SGCZ: variants seen among roughly 807,000 people sequenced by gnomAD.
SGCZ encodes the protein zeta-sarcoglycan.
SGCZ carries 40 observed loss-of-function variants against 41.3 expected under a neutral mutation model. The observed-to-expected ratio is 0.97, with a 90% CI of 0.75 to 1.26. The LOEUF (loss-of-function observed/expected upper bound fraction) is 1.26. SGCZ is among the 50% of genes most tolerant of loss of function. The probability of loss-of-function intolerance (pLI) is 0.00; values close to 1 mark genes in which losing one functional copy is unlikely to be tolerated. For missense variants in SGCZ, 552 were observed against 369.8 expected (o/e 1.49, Z -4.04); for synonymous variants, 206 against 137.5 (o/e 1.50, Z -3.49).
chr8:14,169,810 A>T (rs1804321117), intron 4 of SGCZ, among the ~76,000 whole-genome samples: 1 of 152,208 alleles, frequency 6.6e-6, no homozygotes, highest in Non-Finnish European at 1.5e-5. Flanking sequence ...GCATGATATA[A>T]ACTTGGAGCT....
intron 1 of SGCZ, among the ~76,000 whole-genome samples, chr8:15,020,281 T>TA (rs1411010318): frequency 6.6e-6 from 1 of 152,116 alleles, no homozygotes; most frequent in Non-Finnish European, 1.5e-5. Context: ...AAAATTCAAT[T>TA]AAAAATCCCA....
At chr8:14,318,243 G>A (rs1001012704) in intron 3 of SGCZ, among the ~76,000 whole-genome samples, 2 of 151,702 alleles carry the variant, frequency 1.3e-5, no homozygotes, top group Non-Finnish European at 2.9e-5. Context: ...GAGGAAGAGG[G>A]AGAAGGGCAA....
At chr8:14,283,452 T>G (rs890757288) in intron 3 of SGCZ, among the ~76,000 whole-genome samples, 8 of 151,974 alleles carry the variant, frequency 5.3e-5, no homozygotes, top group African/African-American at 1.9e-4. Context: ...TAGAAAAATG[T>G]CATTATCCGT....
intron 4 of SGCZ, among the ~76,000 whole-genome samples, chr8:14,227,602 A>G (rs1388993682): frequency 1.3e-5 from 2 of 152,118 alleles, no homozygotes; most frequent in Non-Finnish European, 2.9e-5. Context: ...AACTGATTAA[A>G]TATTTTAACC....
chr8:14,312,333 A>AT (rs1391368269), intron 3 of SGCZ, among the ~76,000 whole-genome samples: 2 of 151,332 alleles, frequency 1.3e-5, no homozygotes, highest in African/African-American at 4.8e-5. Flanking sequence ...AAAAAAAGTA[A>AT]TTTTTTAGTA....
At chr8:15,226,317 A>G (rs1801771931) in intron 1 of SGCZ, among the ~76,000 whole-genome samples, 1 of 152,224 alleles carries the variant, frequency 6.6e-6, no homozygotes, top group East Asian at 1.9e-4. Context: ...CCAAACTGTC[A>G]AAAATACAGA....
intron 1 of SGCZ, among the ~76,000 whole-genome samples, chr8:14,690,011 G>C (rs189658144): frequency 5.2e-4 from 79 of 152,128 alleles, no homozygotes; most frequent in Non-Finnish European, 9.0e-4. Context: ...TTAAGCAATG[G>C]TGAATTCTTA....
chr8:14,448,062 T>A (rs777385704), intron 2 of SGCZ, among the ~76,000 whole-genome samples: 2 of 152,134 alleles, frequency 1.3e-5, no homozygotes, highest in African/African-American at 2.4e-5. Context: ...AAATGTGTAT[T>A]CTAAATGAAA....
At chr8:14,198,130 C>A (rs934522775) in intron 4 of SGCZ, among the ~76,000 whole-genome samples, 1 of 152,212 alleles carries the variant, frequency 6.6e-6, no homozygotes, top group Admixed American at 6.5e-5. Flanking sequence ...TTTTAAACTG[C>A]ATGCTGTTCT....
intron 1 of SGCZ, among the ~76,000 whole-genome samples, chr8:14,635,073 A>C (rs1469163386): frequency 7.6e-6 from 1 of 131,228 alleles, no homozygotes; most frequent in Admixed American, 7.5e-5. Context: ...TAATTTAAAA[A>C]CATATAGAAA....
intron 1 of SGCZ, among the ~76,000 whole-genome samples, chr8:15,232,682 T>TATATGTGTGTATATATATAC (rs1801983820): frequency 1.7e-5 from 2 of 114,692 alleles, no homozygotes; most frequent in African/African-American, 7.7e-5. Context: ...TGTGTATATA[T>TATATGTGTGTATATATATAC]ATATATATGT....
Position 14,688,292 on chromosome 8 carries a change from T to C in SGCZ, c.40-133366A>G, listed in dbSNP as rs576917029. On this transcript the variant is annotated intron_variant, in intron 1 of 7. Coordinates refer to ENST00000382080, the MANE Select transcript of SGCZ (RefSeq NM_139167.4). The stretch of plus-strand genomic sequence containing the variant: ...CCCATGCCTATGTCCTGAATGGTAA[T>C]GCCTAGGTTTTCTTCTAGGGTTTTT... Among the ~76,000 whole-genome samples the C allele has an allele frequency of 7.1e-3, 1,083 of 152,298 alleles. 17 individuals carry two copies. The highest frequency in any genetic ancestry group is 0.025 in the African/African-American group (1,034 of 41,578).
chr8:14,273,581 C>T (rs1388208973), intron 3 of SGCZ, among the ~76,000 whole-genome samples: 1 of 152,128 alleles, frequency 6.6e-6, no homozygotes, highest in African/African-American at 2.4e-5. Context: ...TTTAACTACA[C>T]TACATACTAC....
intron 1 of SGCZ, among the ~76,000 whole-genome samples, chr8:14,566,808 C>T (rs1336962290): frequency 6.6e-6 from 1 of 152,174 alleles, no homozygotes; most frequent in Non-Finnish European, 1.5e-5. Flanking sequence ...CCTCAGCTTG[C>T]GGGGAGGTGT....
intron 1 of SGCZ, among the ~76,000 whole-genome samples, chr8:14,632,922 C>T (rs184964931): frequency 4.7e-4 from 72 of 151,826 alleles, no homozygotes; most frequent in African/African-American, 1.6e-3. Flanking sequence ...ACTATGTAAG[C>T]AAACAGTGAT....
chr8:14,543,321 A>C (rs928747129), intron 2 of SGCZ, among the ~76,000 whole-genome samples: 1 of 151,974 alleles, frequency 6.6e-6, no homozygotes, highest in African/African-American at 2.4e-5. Flanking sequence ...CTATTATTTA[A>C]CTTTCAAAAT....
chr8:14,525,897 A>T (rs531606622), intron 2 of SGCZ, among the ~76,000 whole-genome samples: 4 of 152,174 alleles, frequency 2.6e-5, no homozygotes, highest in Admixed American at 6.5e-5. Context: ...TACGATGCAG[A>T]GTATTTTACT....
intron 1 of SGCZ, among the ~76,000 whole-genome samples, chr8:15,236,567 A>G (rs1802128266): frequency 6.6e-6 from 1 of 152,208 alleles, no homozygotes; most frequent in South Asian, 2.1e-4. Context: ...AGGTGCTTCC[A>G]GTGTCGCCCC....
intron 2 of SGCZ, among the ~76,000 whole-genome samples, chr8:14,368,043 T>C (rs915479992): frequency 4.6e-5 from 7 of 152,106 alleles, no homozygotes; most frequent in Admixed American, 1.3e-4. Context: ...GGTAGAATTA[T>C]ATAATTGTCA....
Sources: gnomAD v4.1 joint callset for allele counts (sites outside exome capture counted in the v4.1 genomes callset) on GRCh38, gnomAD v4.1.1 for gene constraint, MANE v1.5 for transcripts, NCBI Gene and HGNC (gene_info 2026-07-23, HGNC 2026-07-21) for gene names.